SORCS3: variants seen among roughly 807,000 people sequenced by gnomAD.
The protein encoded by SORCS3 is sortilin related VPS10 domain containing receptor 3, also known as VPS10 domain-containing receptor SorCS3.
A neutral mutation model predicts 146.3 loss-of-function variants in SORCS3; 57 were observed. The observed-to-expected ratio is 0.39, with a 90% CI of 0.31 to 0.49. The LOEUF (loss-of-function observed/expected upper bound fraction) is 0.49. Among genes scored for constraint, SORCS3 ranks in the 20% least tolerant of loss-of-function variants. The pLI is 0.92. For missense variants in SORCS3, 1,341 were observed against 1,575.5 expected (o/e 0.85, Z 2.52); for synonymous variants, 653 against 618.5 (o/e 1.06, Z -0.83).
chr10:105,039,685 G>A (rs1356050766), intron 4 of SORCS3, among the ~76,000 whole-genome samples: 2 of 151,964 alleles, frequency 1.3e-5, no homozygotes, highest in African/African-American at 4.8e-5. Context: ...TTGATCTCCT[G>A]ACCTTGGGAT....
At chr10:105,036,320 C>T (rs780690084) in intron 4 of SORCS3, among the ~76,000 whole-genome samples, 7 of 152,156 alleles carry the variant, frequency 4.6e-5, no homozygotes, top group Non-Finnish European at 1.0e-4. Context: ...TCCGTTGGCA[C>T]GAGCCTCACT....
intron 4 of SORCS3, among the ~76,000 whole-genome samples, chr10:105,000,088 TG>T (rs1300428660): frequency 1.8e-4 from 26 of 146,742 alleles, no homozygotes; most frequent in African/African-American, 5.8e-4. Flanking sequence ...AATGAATGAA[TG>T]AACAAAATAC....
intron 1 of SORCS3, among the ~76,000 whole-genome samples, chr10:104,792,601 C>T (rs2017507627): frequency 6.6e-6 from 1 of 152,184 alleles, no homozygotes; most frequent in Admixed American, 6.5e-5. Flanking sequence ...GTCTTTGGAA[C>T]ATTTCCTGCT....
chr10:105,246,119 A>T (rs2056864907), intron 21 of SORCS3, among the ~76,000 whole-genome samples: 1 of 152,122 alleles, frequency 6.6e-6, no homozygotes, highest in Non-Finnish European at 1.5e-5. Context: ...TTTGAATATC[A>T]TTGGCTGCAA....
At chr10:104,872,995 CACAG>C (rs1203490789) in intron 2 of SORCS3, among the ~76,000 whole-genome samples, 5 of 152,160 alleles carry the variant, frequency 3.3e-5, no homozygotes, top group African/African-American at 1.2e-4. Flanking sequence ...CACACAAGCA[CACAG>C]ACAAACATAC....
At chr10:105,101,819 C>T (rs1453895780) in intron 6 of SORCS3, among the ~76,000 whole-genome samples, 1 of 152,234 alleles carries the variant, frequency 6.6e-6, no homozygotes, top group Non-Finnish European at 1.5e-5. Context: ...TTCTGAGACA[C>T]TGGCTGGTAA....
intron 3 of SORCS3, among the ~76,000 whole-genome samples, chr10:104,923,038 T>C (rs1040935509): frequency 6.6e-6 from 1 of 152,246 alleles, no homozygotes; most frequent in Non-Finnish European, 1.5e-5. Flanking sequence ...AGATGTCTGC[T>C]TTCTGCTTCT....
At chr10:104,915,437 A>G (rs980189377) in intron 2 of SORCS3, among the ~76,000 whole-genome samples, 1 of 141,930 alleles carries the variant, frequency 7.0e-6, no homozygotes, top group African/African-American at 2.6e-5. Context: ...CCATGCTCCC[A>G]TGGCCTCCAC....
intron 8 of SORCS3, among the ~76,000 whole-genome samples, chr10:105,143,511 T>A (rs1478484715): frequency 2.0e-5 from 3 of 152,208 alleles, no homozygotes; most frequent in Non-Finnish European, 4.4e-5. Context: ...GTCTGCACTT[T>A]ATAGTTCTTA....
At chr10:104,995,489 T>C (rs534674492) in intron 4 of SORCS3, among the ~76,000 whole-genome samples, 1 of 152,298 alleles carries the variant, frequency 6.6e-6, no homozygotes, top group South Asian at 2.1e-4. Context: ...TGTGTATTGG[T>C]AGCTCATTGT....
At chr10:105,025,193 A>G (rs1049626808) in intron 4 of SORCS3, among the ~76,000 whole-genome samples, 1 of 152,148 alleles carries the variant, frequency 6.6e-6, no homozygotes, top group African/African-American at 2.4e-5. Context: ...TTGTTGGTGG[A>G]GGCAATTCCC....
At chr10:104,960,281 T>C (rs1035514889) in intron 3 of SORCS3, among the ~76,000 whole-genome samples, 21 of 152,160 alleles carry the variant, frequency 1.4e-4, no homozygotes, top group African/African-American at 5.1e-4. Context: ...TTATCTTCCT[T>C]CTCCTAAATA....
At chr10:104,872,073 A>G (rs2018524492) in intron 2 of SORCS3, among the ~76,000 whole-genome samples, 1 of 152,176 alleles carries the variant, frequency 6.6e-6, no homozygotes. Flanking sequence ...AAGTACACAA[A>G]GTATACATAC....
chr10:104,681,763 G>A (rs1327087880), intron 1 of SORCS3, among the ~76,000 whole-genome samples: 1 of 152,102 alleles, frequency 6.6e-6, no homozygotes, highest in East Asian at 1.9e-4. Context: ...CCTGCCCCAG[G>A]GCCTTTGCAT....
At chr10:104,727,507 T>G (rs567528860) in intron 1 of SORCS3, among the ~76,000 whole-genome samples, 2 of 150,536 alleles carry the variant, frequency 1.3e-5, no homozygotes, top group South Asian at 4.3e-4. Flanking sequence ...ATAGTACATA[T>G]AGTTTTGTAT....
chr10:104,842,808 C>G lies in SORCS3; in HGVS notation c.644C>G (p.Thr215Arg), dbSNP rs769758204. 9 of 1,613,702 alleles carry G rather than the reference C, an allele frequency of 5.6e-6. No individual in the cohort carries two copies. Among genetic ancestry groups the G allele is most frequent in the South Asian group, 1.1e-5 (1 of 91,072 alleles). Residue 215 changes from threonine (T) to arginine (R), a missense_variant, in exon 2 of 27, where the codon ACG (threonine) becomes AGG (arginine). By Grantham distance (71) the Thr-to-Arg change is moderately conservative (BLOSUM62 -1). Coordinates refer to ENST00000369701, the MANE Select transcript of SORCS3 (RefSeq NM_014978.3). ...CCCTTGCAGGTCATACTTATCCTGA[C>G]GAAGCTGTATGACTTCAACCTGGGC... ...GHNSSVILIL[T>R]KLYDFNLGSV...
intron 1 of SORCS3, among the ~76,000 whole-genome samples, chr10:104,811,239 G>A (rs1357093276): frequency 6.6e-6 from 1 of 152,188 alleles, no homozygotes; most frequent in African/African-American, 2.4e-5. Context: ...AAACCTGAGT[G>A]CCTGTTCTCA....
chr10:105,063,557 G>A (rs147446997), intron 5 of SORCS3, among the ~76,000 whole-genome samples: 2 of 152,312 alleles, frequency 1.3e-5, no homozygotes, highest in East Asian at 3.9e-4. Flanking sequence ...AATCACTTGT[G>A]AGATAAGGTG....
At chr10:104,938,875 A>G (rs949474970) in intron 3 of SORCS3, among the ~76,000 whole-genome samples, 1 of 152,168 alleles carries the variant, frequency 6.6e-6, no homozygotes, top group Non-Finnish European at 1.5e-5. Flanking sequence ...GGGTAGCTGG[A>G]TTGCAGCCAC....
Sources: allele counts gnomAD v4.1 joint callset (sites outside exome capture counted in the v4.1 genomes callset), GRCh38; gene constraint gnomAD v4.1.1; transcripts MANE v1.5; gene names NCBI Gene and HGNC (gene_info 2026-07-23, HGNC 2026-07-21).